Variants in ACTR3C observed in about 807,000 individuals in gnomAD.
ACTR3C encodes actin-related protein 3C.
Under a neutral mutation model 26.3 loss-of-function variants are expected in ACTR3C, and 18 were observed. The observed-to-expected ratio is 0.68, with a 90% CI of 0.47 to 1.01. ACTR3C has a LOEUF of 1.01. Ranked by LOEUF, ACTR3C falls within the 50% of genes least tolerant of loss-of-function variation. ACTR3C has a pLI of 0.00. For missense variants in ACTR3C, 184 were observed against 250.7 expected, an observed-to-expected ratio of 0.73 and a Z score of 1.80; for synonymous variants, 55 against 94.5, an observed-to-expected ratio of 0.58 and a Z score of 2.42.
the ACTR3C span, among the ~76,000 whole-genome samples, chr7:149,939,382 G>C: frequency 6.6e-6 from 1 of 152,190 alleles, no homozygotes; most frequent in African/African-American, 2.4e-5. Context: ...GGGGAGCAAG[G>C]CCAGAGTTCA....
the ACTR3C span, among the ~76,000 whole-genome samples, chr7:150,043,901 A>G: frequency 1.3e-5 from 2 of 152,238 alleles, no homozygotes; most frequent in Non-Finnish European, 2.9e-5. Context: ...GAATGTTGAC[A>G]TTATACCAAT....
chr7:150,186,179 ACT>A, the ACTR3C span, among the ~76,000 whole-genome samples: 46 of 151,370 alleles, frequency 3.0e-4, 2 homozygotes, highest in African/African-American at 1.1e-3. Flanking sequence ...TGCATTAAAA[ACT>A]CTCTCTTCTA....
At chr7:150,110,558 C>G in the ACTR3C span, among the ~76,000 whole-genome samples, 5 of 35,348 alleles carry the variant, frequency 1.4e-4, no homozygotes, top group Non-Finnish European at 1.8e-4. Flanking sequence ...GAGATTCACT[C>G]TGGCTGGAGC....
chr7:150,085,969 CTTTTTTCTTTCTTCTTTT>C, the ACTR3C span, among the ~76,000 whole-genome samples: 2 of 147,658 alleles, frequency 1.4e-5, no homozygotes, highest in African/African-American at 5.2e-5. Context: ...TTTTTTTTTT[CTTTTTTCTTTCTTCTTTT>C]TTTTTTTGAC....
the ACTR3C span, among the ~76,000 whole-genome samples, chr7:150,018,099 G>A: frequency 1.3e-5 from 2 of 150,470 alleles, no homozygotes; most frequent in Non-Finnish European, 2.9e-5. Flanking sequence ...GAGTCGTGTG[G>A]AAAGACGACC....
chr7:150,199,449 A>G, the ACTR3C span, among the ~76,000 whole-genome samples: 7 of 102,516 alleles, frequency 6.8e-5, no homozygotes, highest in Non-Finnish European at 1.1e-4. Flanking sequence ...ATCTCAAGTA[A>G]TCAGGGACAC....
At chr7:149,900,727 G>T in the ACTR3C span, among the ~76,000 whole-genome samples, 1 of 152,056 alleles carries the variant, frequency 6.6e-6, no homozygotes, top group African/African-American at 2.4e-5. Context: ...ATCAAGGAAA[G>T]ATTTAAGACA....
At chr7:149,973,436 T>C in the ACTR3C span, among the ~76,000 whole-genome samples, 3 of 152,204 alleles carry the variant, frequency 2.0e-5, no homozygotes, top group Non-Finnish European at 2.9e-5. Flanking sequence ...AATACCTTCA[T>C]GTAAATGTGG....
chr7:150,036,243 T>C, the ACTR3C span, among the ~76,000 whole-genome samples: 5 of 146,900 alleles, frequency 3.4e-5, no homozygotes, highest in Non-Finnish European at 6.2e-5. Flanking sequence ...GGCCTTTATG[T>C]TCAGGTTTTG....
chr7:150,037,257 C>A, the ACTR3C span, among the ~76,000 whole-genome samples: 58 of 45,546 alleles, frequency 1.3e-3, 1 homozygote, highest in African/African-American at 4.4e-3. Flanking sequence ...GAACTTTCTA[C>A]TTGGACAACT....
the ACTR3C span, among the ~76,000 whole-genome samples, chr7:150,142,765 G>T: frequency 2.5e-4 from 38 of 152,148 alleles, no homozygotes; most frequent in African/African-American, 9.2e-4. Flanking sequence ...CTGACCTCAG[G>T]TGATCCACCC....
the ACTR3C span, among the ~76,000 whole-genome samples, chr7:149,923,975 C>A: frequency 6.6e-6 from 1 of 150,670 alleles, no homozygotes; most frequent in African/African-American, 2.4e-5. Context: ...CCAGCCTGTA[C>A]GACAGAGGGA....
At chr7:150,065,277 T>C in the ACTR3C span, among the ~76,000 whole-genome samples, 1 of 152,378 alleles carries the variant, frequency 6.6e-6, no homozygotes, top group African/African-American at 2.4e-5. Flanking sequence ...TTATCTCTAA[T>C]GAATAGAATG....
the ACTR3C span, among the ~76,000 whole-genome samples, chr7:149,999,194 A>G: frequency 1.3e-5 from 2 of 150,912 alleles, no homozygotes; most frequent in Admixed American, 6.7e-5. Context: ...AATTTATTAC[A>G]TAAGTGTCTA....
At position 150,307,695 on chromosome 7, in the gene ACTR3C, C is replaced by T. The variant is rs117396236; in HGVS notation, c.-51-12348G>A. Among the ~76,000 whole-genome samples, 330 of 152,264 alleles carry T rather than the reference C, an allele frequency of 2.2e-3. 5 individuals are homozygous for T. In the East Asian group the frequency reaches 0.057, roughly 26 times the overall value. On this transcript the variant is annotated intron_variant, in intron 1 of 7. Transcript: ENST00000683684. ...GTTAGGTGGTCTCTTCACACAGAGGCGCTTGACATTTGGTGCCATGACTTG... is the reference window on the plus strand; with the variant it reads ...GTTAGGTGGTCTCTTCACACAGAGGTGCTTGACATTTGGTGCCATGACTTG...
At chr7:150,211,269 C>T in the ACTR3C span, among the ~76,000 whole-genome samples, 9 of 150,158 alleles carry the variant, frequency 6.0e-5, no homozygotes, top group Non-Finnish European at 1.2e-4. Flanking sequence ...AACACTCTGC[C>T]TATGGTTCTT....
the ACTR3C span, among the ~76,000 whole-genome samples, chr7:150,230,023 G>A: frequency 2.0e-5 from 3 of 150,310 alleles, no homozygotes; most frequent in Admixed American, 1.3e-4. Flanking sequence ...TCAGGAGTTC[G>A]AGACCAGCCT....
chr7:150,095,310 T>C, the ACTR3C span, among the ~76,000 whole-genome samples: 2 of 150,182 alleles, frequency 1.3e-5, no homozygotes. Context: ...ACAGCACTAG[T>C]GGAACCTGCT....
the ACTR3C span, among the ~76,000 whole-genome samples, chr7:149,907,493 T>TCTCTCTCCCTCTCTCC: frequency 6.7e-6 from 1 of 150,366 alleles, no homozygotes; most frequent in African/African-American, 2.4e-5. Flanking sequence ...TCTCTCTCTC[T>TCTCTCTCCCTCTCTCC]CTCTCTCTCT....
Sources: allele counts gnomAD v4.1 joint callset (sites outside exome capture counted in the v4.1 genomes callset), GRCh38; gene constraint gnomAD v4.1.1; transcripts MANE v1.5; gene names NCBI Gene and HGNC (gene_info 2026-07-23, HGNC 2026-07-21).